Variants in CTC1 observed in about 807,000 individuals in gnomAD.
CTC1 encodes CST complex subunit CTC1.
In CTC1, 91 loss-of-function variants were observed where a neutral mutation model predicts 136.3. The observed-to-expected ratio is 0.67, with a 90% CI of 0.56 to 0.79. The LOEUF (loss-of-function observed/expected upper bound fraction) is 0.79. Among genes scored for constraint, CTC1 ranks in the 30% least tolerant of loss-of-function variants. The probability of loss-of-function intolerance (pLI) is 0.00; values close to 1 mark genes in which losing one functional copy is unlikely to be tolerated. For missense variants in CTC1, 1,432 were observed against 1,498.1 expected, an observed-to-expected ratio of 0.96 and a Z score of 0.73; for synonymous variants, 606 against 613.8, an observed-to-expected ratio of 0.99 and a Z score of 0.19.
intron 17 of CTC1, 135 bp from the exon 18 acceptor site, chr17:8,230,103 C>G: frequency 9.9e-7 from 1 of 1,013,628 alleles, no homozygotes; most frequent in Middle Eastern, 2.2e-4. Flanking sequence ...TCTACCAAAG[C>G]TAGGGGAAGA....
Position 8,225,386 on chromosome 17 carries a change from ATT to A in CTC1, c.*2792_*2793del, listed in dbSNP as rs1986550320. The stretch of plus-strand genomic sequence containing the variant: ...CTGGAGGTAGCAATTCCTTCAAGCC[ATT>A]TGCTCATCTTACATTGGTTCGTGGG... On this transcript the variant is annotated 3_prime_UTR_variant, in exon 23 of 23. Coordinates refer to ENST00000651323, the MANE Select transcript of CTC1 (RefSeq NM_025099.6). The A allele has an allele frequency of 1.3e-5, 2 of 152,190 alleles. No homozygotes were observed. The highest frequency in any genetic ancestry group is 2.9e-5 in the Non-Finnish European group (2 of 68,064). 9.4% of individuals were successfully genotyped at this position (152,190 alleles called of 1,614,324 possible).
chr17:8,230,857 C>T (rs1184848150), intron 15 of CTC1: 5 of 578,736 alleles, frequency 8.6e-6, no homozygotes, highest in East Asian at 2.9e-5. Flanking sequence ...ATTCAAAACC[C>T]GCACAAGGTG....
intron 13 of CTC1, 33 bp from the exon 14 acceptor site, chr17:8,231,848 T>C: frequency 6.2e-7 from 1 of 1,613,604 alleles, no homozygotes; most frequent in Non-Finnish European, 8.5e-7. Context: ...GCTGGGATCC[T>C]AGCCAGAGGC....
At chr17:8,236,016 A>G (rs1987687204) in intron 6 of CTC1, 42 bp downstream of exon 6, 1 of 1,598,488 alleles carries the variant, frequency 6.3e-7, no homozygotes, top group Non-Finnish European at 8.6e-7. Context: ...GAAAACCCAC[A>G]TTTCTGGCCC....
intron 20 of CTC1, 31 bp downstream of exon 20, chr17:8,229,111 G>A: frequency 3.7e-6 from 6 of 1,605,696 alleles, no homozygotes; most frequent in Non-Finnish European, 5.1e-6. Context: ...ATAAGTAAAT[G>A]GCACAATGGG....
Position 8,230,613 on chromosome 17 carries a change from A to G in CTC1, c.2708T>C (p.Leu903Ser), listed in dbSNP as rs1401479599. ...DSLVSFSAEI[L>S]SRTLCEPLVA... ...AAGGGGTTCACATAGTGTCCGTGAC[A>G]AAATCTCAGCGGAGAAAGACACCAA... The change falls in exon 16 of 23, where the codon TTG becomes TCG. Residue 903 changes from leucine (L) to serine (S), a missense_variant. Transcript: ENST00000651323. 6.2e-7 allele frequency: 1 copy of G among 1,614,224 alleles called. No homozygotes were observed. The highest frequency in any genetic ancestry group is 8.5e-7 in the Non-Finnish European group (1 of 1,180,032).
chr17:8,226,368 C>T lies in CTC1; in HGVS notation c.*1812G>A, dbSNP rs1050640889. On this transcript the variant is annotated 3_prime_UTR_variant, in exon 23 of 23. Transcript: ENST00000651323. Reference sequence around the variant, plus strand: ...AAGAATATAGAGCTAGGAACCCGGACCGAGCTTTTTCAGATCTTTCTAGAA... The same window carrying T: ...AAGAATATAGAGCTAGGAACCCGGATCGAGCTTTTTCAGATCTTTCTAGAA... 1.3e-5 allele frequency: 2 copies of T among 152,178 alleles called. No individual in the cohort carries two copies. The highest frequency in any genetic ancestry group is 4.8e-5 in the African/African-American group (2 of 41,446). 9.4% of individuals were successfully genotyped at this position (152,178 alleles called of 1,614,324 possible). A position where few individuals can be genotyped will look rare whatever the true frequency, so the allele number is the denominator to read the frequency against.
At chr17:8,243,205 T>C in intron 1 of CTC1, 57 bp from the exon 2 acceptor site, 1 of 1,539,864 alleles carries the variant, frequency 6.5e-7, no homozygotes, top group Non-Finnish European at 8.8e-7. Context: ...CAAGGAAACT[T>C]GGGAAGAATA....
At chr17:8,241,573 T>G (rs1597393770) in intron 2 of CTC1, among the ~76,000 whole-genome samples, 1 of 132,556 alleles carries the variant, frequency 7.5e-6, no homozygotes, top group Non-Finnish European at 1.5e-5. Context: ...GCCACTGCAC[T>G]CCAGCCTGGG....
In CTC1 at chr17:8,229,190, A is replaced by AG; in HGVS notation, c.3172dup (p.Leu1058ProfsTer32). 6.2e-7 allele frequency: 1 copy of AG among 1,614,226 alleles called. No individual in the cohort carries two copies. Among genetic ancestry groups the AG allele is most frequent in the Non-Finnish European group, 8.5e-7 (1 of 1,180,042 alleles). ...TGTCTGCGTAGGGCAAGTGGAGCCCAGGCGAGTGCACTTTCCCTGGGATGA... is the reference window on the plus strand; with the variant it reads ...TGTCTGCGTAGGGCAAGTGGAGCCCAGGGCGAGTGCACTTTCCCTGGGATGA... On this transcript the variant is annotated frameshift_variant, in exon 20 of 23. Coordinates refer to ENST00000651323, the MANE Select transcript of CTC1 (RefSeq NM_025099.6). LOFTEE classifies it high-confidence loss of function.
intron 2 of CTC1, among the ~76,000 whole-genome samples, chr17:8,238,926 A>G (rs763210616): frequency 6.6e-6 from 1 of 152,110 alleles, no homozygotes; most frequent in Non-Finnish European, 1.5e-5. Context: ...CCCCATCTCT[A>G]CTAAAAATAC....
intron 1 of CTC1, among the ~76,000 whole-genome samples, chr17:8,246,206 CAA>C (rs57484918): frequency 1.2e-3 from 104 of 87,304 alleles, no homozygotes; most frequent in African/African-American, 4.3e-3. Context: ...GACCTTGTTT[CAA>C]AAAAAAAAAA....
rs1444982726 is a variant in CTC1 at position 8,229,829 on chromosome 17, G to A, written c.3011+62C>T. 3.5e-5 allele frequency: 48 copies of A among 1,362,272 alleles called. No individual in the cohort carries two copies. In the Admixed American group the frequency reaches 7.5e-4, roughly 21 times the overall value. The allele number at this position is 1,362,272 out of a possible 1,614,324, so 84.4% of individuals were successfully genotyped here. ...ATGATGGCAAAATCTTCAGAACCAG[G>A]GACATGTGGGAGATGCAGATGTGAA... On this transcript the variant is annotated intron_variant, in intron 18 of 22. Transcript: ENST00000651323.
At chr17:8,245,877 G>A (rs1185992784) in intron 1 of CTC1, among the ~76,000 whole-genome samples, 1 of 139,778 alleles carries the variant, frequency 7.2e-6, no homozygotes, top group African/African-American at 2.6e-5. Context: ...AGACCCGCCT[G>A]GGCAACATGG....
rs1376505536 is a variant in CTC1 at position 8,226,686 on chromosome 17, G to A, written c.*1494C>T. ...TCCATCGCCTTAACCACTCGGCCAC[G>A]ACTACGAGGCTTAGGGCTTCGTTTT... is the stretch of plus-strand genomic sequence containing the variant. On this transcript the variant is annotated 3_prime_UTR_variant, in exon 23 of 23. Transcript: ENST00000651323. 6.6e-6 allele frequency: 1 copy of A among 152,182 alleles called. No homozygotes were observed. Among genetic ancestry groups the A allele is most frequent in the Admixed American group, 6.5e-5 (1 of 15,276 alleles). 9.4% of individuals were successfully genotyped at this position (152,182 alleles called of 1,614,324 possible). A position where few individuals can be genotyped will look rare whatever the true frequency, so the allele number is the denominator to read the frequency against.
chr17:8,228,129 GC>G lies in CTC1; in HGVS notation c.*50del, dbSNP rs1567596243. 1.3e-6 allele frequency: 2 copies of G among 1,580,438 alleles called. No homozygotes were observed. Among genetic ancestry groups the G allele is most frequent in the Non-Finnish European group, 1.7e-6 (2 of 1,151,030 alleles). ...AGTAGGGAGAGGAGCCAGGACCTAG[GC>G]CTTCAGGTTTTCAGCAAGGAAGGAC... On this transcript the variant is annotated 3_prime_UTR_variant, in exon 23 of 23. Coordinates refer to ENST00000651323, the MANE Select transcript of CTC1 (RefSeq NM_025099.6).
chr17:8,236,133 G>A lies in CTC1; in HGVS notation c.1002C>T (p.Leu334=), dbSNP rs369276308. The A allele has an allele frequency of 1.3e-4, 203 of 1,614,092 alleles. No individual in the cohort carries two copies. The highest frequency in any genetic ancestry group is 1.7e-4 in the Non-Finnish European group (198 of 1,180,050). The part of the protein sequence containing the change: ...GPLLEADPKP[L]PMPSNSEDKK... ...TGTCCTCCGAGTTGCTGGGCATGGG[G>A]AGTGGCTTGGGGTCAGCCTCTAAGA... Residue 334 remains leucine (L), a synonymous_variant, in exon 6 of 23, where the codon CTC becomes CTT. Coordinates refer to ENST00000651323, the MANE Select transcript of CTC1 (RefSeq NM_025099.6).
At chr17:8,246,071 T>C (rs148685916) in intron 1 of CTC1, among the ~76,000 whole-genome samples, 99 of 151,940 alleles carry the variant, frequency 6.5e-4, no homozygotes, top group African/African-American at 2.2e-3. Context: ...CCTGGCGTGG[T>C]AGCACACGCC....
At chr17:8,244,941 T>C (rs1988554624) in intron 1 of CTC1, among the ~76,000 whole-genome samples, 1 of 152,134 alleles carries the variant, frequency 6.6e-6, no homozygotes, top group Non-Finnish European at 1.5e-5. Flanking sequence ...GTGGTACATA[T>C]ACACCATGGA....
Sources: allele counts gnomAD v4.1 joint callset (sites outside exome capture counted in the v4.1 genomes callset), GRCh38; gene constraint gnomAD v4.1.1; transcripts MANE v1.5; gene names NCBI Gene and HGNC (gene_info 2026-07-23, HGNC 2026-07-21).